ZNF827: variants seen among roughly 807,000 people sequenced by gnomAD.
ZNF827 encodes zinc finger protein 827.
Under a neutral mutation model 102.4 loss-of-function variants are expected in ZNF827, and 13 were observed. That is an observed-to-expected ratio of 0.13 (90% CI 0.08 to 0.20). The LOEUF is 0.20. Among genes scored for constraint, ZNF827 ranks in the 10% least tolerant of loss-of-function variants. The probability of loss-of-function intolerance (pLI) is 1.00; values close to 1 mark genes in which losing one functional copy is unlikely to be tolerated. For missense variants in ZNF827, 1,103 were observed against 1,344.4 expected, an observed-to-expected ratio of 0.82 and a Z score of 2.81; for synonymous variants, 523 against 536.2, an observed-to-expected ratio of 0.98 and a Z score of 0.34.
chr4:145,779,681 G>A (rs952492273), intron 8 of ZNF827, among the ~76,000 whole-genome samples, 170 bp from the exon 9 acceptor site: 20 of 152,298 alleles, frequency 1.3e-4, no homozygotes, highest in Admixed American at 7.2e-4. Flanking sequence ...TAAGAAGGCC[G>A]TTCTTGAAAG....
chr4:145,931,605 C>G (rs1165513627), intron 1 of ZNF827, among the ~76,000 whole-genome samples: 1 of 152,200 alleles, frequency 6.6e-6, no homozygotes, highest in African/African-American at 2.4e-5. Flanking sequence ...GTTCTGTGAT[C>G]AGTCTGATTA....
chr4:145,844,451 A>G (rs1185258684), intron 7 of ZNF827, among the ~76,000 whole-genome samples: 2 of 150,882 alleles, frequency 1.3e-5, no homozygotes, highest in African/African-American at 2.4e-5. Flanking sequence ...AGGCCGAGGC[A>G]GGCAGATCGC....
chr4:145,915,016 A>G (rs1328153121), intron 1 of ZNF827, among the ~76,000 whole-genome samples: 3 of 152,244 alleles, frequency 2.0e-5, no homozygotes, highest in Non-Finnish European at 4.4e-5. Flanking sequence ...TATAAGGAAC[A>G]GAAATCTACT....
In ZNF827 at chr4:145,885,785, T is replaced by C. The variant is rs766826069; in HGVS notation, c.1640A>G (p.His547Arg). The change falls in exon 4 of 15, where the codon CAC (histidine) becomes CGC (arginine). Residue 547 changes from histidine (H) to arginine (R), a missense_variant. Physicochemically the swap from His to Arg is conservative, Grantham distance 29. Coordinates refer to ENST00000508784, the MANE Select transcript of ZNF827 (RefSeq NM_001306215.2). ...TLNAADRPAN[H>R]TKLKDPSEYV... is the part of the protein sequence containing the mutation. ...CTCGGAGGGGTCTTTCAGCTTTGTG[T>C]GGTTGGCGGGCCTGTCGGCAGCATT... 19 of 1,612,138 alleles carry C rather than the reference T, an allele frequency of 1.2e-5. No individual in the cohort carries two copies. In the South Asian group the frequency reaches 2.0e-4, roughly 17 times the overall value.
intron 7 of ZNF827, among the ~76,000 whole-genome samples, chr4:145,833,994 A>C (rs1177191857): frequency 6.6e-6 from 1 of 150,830 alleles, no homozygotes; most frequent in African/African-American, 2.4e-5. Context: ...TTCCTTCACT[A>C]TGGGCAACCT....
chr4:145,895,245 C>T (rs1205422091), intron 2 of ZNF827, among the ~76,000 whole-genome samples: 1 of 152,198 alleles, frequency 6.6e-6, no homozygotes, highest in Non-Finnish European at 1.5e-5. Flanking sequence ...GTCTTCCCCT[C>T]GCATCTTGCC....
intron 1 of ZNF827, among the ~76,000 whole-genome samples, chr4:145,917,004 A>G (rs1019071893): frequency 8.4e-6 from 1 of 119,474 alleles, no homozygotes; most frequent in African/African-American, 4.6e-5. Flanking sequence ...ATTTCTACCA[A>G]CATTCCGATC....
rs768281100 is a variant in ZNF827, at chr4:145,765,623, G to A, written c.2976C>T (p.Gly992=). The A allele has an allele frequency of 4.2e-5, 68 of 1,613,920 alleles. No individual in the cohort carries two copies. Among genetic ancestry groups the A allele is most frequent in the African/African-American group, 6.7e-5 (5 of 74,868 alleles). ...DDSDGSQKNK[G]GNNLLVISVM... is the part of the protein sequence containing the mutation. ...CAGAGATGACCAGCAGATTGTTCCCGCCCTTGTTTTTCTGGGAGCCATCTG... is the reference window on the plus strand; with the variant it reads ...CAGAGATGACCAGCAGATTGTTCCCACCCTTGTTTTTCTGGGAGCCATCTG... The change falls in exon 12 of 15, where the codon GGC becomes GGT. Residue 992 remains glycine, a synonymous_variant. Coordinates refer to ENST00000508784, the MANE Select transcript of ZNF827 (RefSeq NM_001306215.2). This position sits in a 1 kb window ranked among gnomAD's most constrained non-coding sequence, Gnocchi z 4.7.
At chr4:145,854,678 C>T (rs1415234364) in intron 5 of ZNF827, among the ~76,000 whole-genome samples, 2 of 152,212 alleles carry the variant, frequency 1.3e-5, no homozygotes, top group Admixed American at 1.3e-4. Context: ...GTTGCTTCAA[C>T]AGAGCATGCT....
At chr4:145,799,341 A>C (rs537127106) in intron 8 of ZNF827, among the ~76,000 whole-genome samples, 21 of 152,226 alleles carry the variant, frequency 1.4e-4, no homozygotes, top group Non-Finnish European at 2.4e-4. Context: ...AGTGTGTAAC[A>C]TATATATGAC....
At chr4:145,795,594 A>G (rs1044205397) in intron 8 of ZNF827, among the ~76,000 whole-genome samples, 1 of 152,272 alleles carries the variant, frequency 6.6e-6, no homozygotes, top group Non-Finnish European at 1.5e-5. Flanking sequence ...GTCAGATCCC[A>G]TCAGGCTCAA....
rs144646058 is a variant in ZNF827 at position 145,879,786 on chromosome 4, C to A, written c.1747+5892G>T. On this transcript the variant is annotated intron_variant, in intron 4 of 14. Transcript: ENST00000508784. The stretch of plus-strand genomic sequence containing the variant: ...ATTCTAAAGCTGTCTGACATAACAA[C>A]ATCCAGAACATGCTGAAATCCTGGC... Among the ~76,000 whole-genome samples the A allele has an allele frequency of 2.0e-3, 303 of 152,340 alleles. 1 individual carries two copies. The highest frequency in any genetic ancestry group is 7.0e-3 in the African/African-American group (290 of 41,566).
At chr4:145,932,913 C>T (rs965104647) in intron 1 of ZNF827, among the ~76,000 whole-genome samples, 2 of 152,146 alleles carry the variant, frequency 1.3e-5, no homozygotes, top group South Asian at 2.1e-4. Flanking sequence ...CATTTCCCTT[C>T]GAACTCTCCT....
At position 145,893,264 on chromosome 4, in the gene ZNF827, T is replaced by A. The variant is rs534954616; in HGVS notation, c.1094-849A>T. ...TCTGTTGTGACACTATTGCTAAACT[T>A]TTGGTCTACCAATTTATATTGCTCA... On this transcript the variant is annotated intron_variant, in intron 2 of 14. Coordinates refer to ENST00000508784, the MANE Select transcript of ZNF827 (RefSeq NM_001306215.2). Among the ~76,000 whole-genome samples the A allele has an allele frequency of 7.9e-5, 12 of 152,360 alleles. No homozygotes were observed. The South Asian group carries it at 1.5e-3, about 18-fold the overall frequency.
chr4:145,899,271 G>A (rs1468268020), intron 2 of ZNF827, among the ~76,000 whole-genome samples: 2 of 148,836 alleles, frequency 1.3e-5, no homozygotes, highest in Admixed American at 6.7e-5. Flanking sequence ...GCCCCAGGTG[G>A]CCCCCAAACC....
intron 8 of ZNF827, among the ~76,000 whole-genome samples, chr4:145,812,499 A>ATTTG (rs1742124411): frequency 1.1e-4 from 1 of 8,870 alleles, no homozygotes; most frequent in Non-Finnish European, 1.3e-3. Context: ...ACCATTTTAT[A>ATTTG]TTTATTTATT....
At chr4:145,853,139 A>T (rs1373911018) in intron 5 of ZNF827, among the ~76,000 whole-genome samples, 1 of 152,232 alleles carries the variant, frequency 6.6e-6, no homozygotes, top group African/African-American at 2.4e-5. Flanking sequence ...CCTGGTATCA[A>T]TCGCCACCTC....
At chr4:145,935,897 G>A (rs1235072281) in intron 1 of ZNF827, among the ~76,000 whole-genome samples, 4 of 152,144 alleles carry the variant, frequency 2.6e-5, no homozygotes, top group Non-Finnish European at 5.9e-5. Context: ...CACAAGAGGA[G>A]GGAAGGCGTT....
chr4:145,768,735 G>A (rs1735709788), intron 11 of ZNF827, among the ~76,000 whole-genome samples: 1 of 149,144 alleles, frequency 6.7e-6, no homozygotes, highest in South Asian at 2.2e-4. Flanking sequence ...GCATATGCCT[G>A]TAATCCCAGC....
Sources: gnomAD v4.1 joint callset for allele counts (sites outside exome capture counted in the v4.1 genomes callset) on GRCh38, gnomAD v4.1.1 for gene constraint, Gnocchi (gnomAD v3.1) non-coding constraint, MANE v1.5 for transcripts, NCBI Gene and HGNC (gene_info 2026-07-23, HGNC 2026-07-21) for gene names.